OSBPL9: variants seen among roughly 807,000 people sequenced by gnomAD.
OSBPL9 encodes the protein oxysterol binding protein like 9, also known as oxysterol-binding protein-related protein 9.
In OSBPL9, 40 loss-of-function variants were observed where a neutral mutation model predicts 106.6. That is an observed-to-expected ratio of 0.38 (90% CI 0.29 to 0.49). OSBPL9 has a LOEUF of 0.49. OSBPL9 is among the 20% of genes least tolerant of loss of function. The pLI, the probability that OSBPL9 is intolerant of heterozygous loss-of-function variation, is 0.97. For missense variants in OSBPL9, 609 were observed against 887.2 expected (o/e 0.69, Z 3.98); for synonymous variants, 269 against 295.4 (o/e 0.91, Z 0.92).
At chr1:51,697,126 C>G (rs1656189307) in intron 3 of OSBPL9, among the ~76,000 whole-genome samples, 1 of 151,252 alleles carries the variant, frequency 6.6e-6, no homozygotes, top group African/African-American at 2.4e-5. Flanking sequence ...TGCCACTGCT[C>G]TCCAGCCTGG....
chr1:51,551,637 AG>A, the OSBPL9 span, among the ~76,000 whole-genome samples: 4 of 151,894 alleles, frequency 2.6e-5, no homozygotes, highest in Non-Finnish European at 4.4e-5. Context: ...TCCAAGCTGG[AG>A]TGCAATGGTG....
intron 2 of OSBPL9, among the ~76,000 whole-genome samples, chr1:51,663,888 T>G (rs1489874328): frequency 6.6e-6 from 1 of 152,218 alleles, no homozygotes; most frequent in Non-Finnish European, 1.5e-5. Flanking sequence ...CATGAAAACA[T>G]ACTTAACCTT....
At chr1:51,762,538 G>C (rs1179904381) in intron 11 of OSBPL9, among the ~76,000 whole-genome samples, 1 of 152,116 alleles carries the variant, frequency 6.6e-6, no homozygotes, top group Non-Finnish European at 1.5e-5. Context: ...GATCTATGTT[G>C]ACTTTTTGAA....
chr1:51,528,317 C>T, the OSBPL9 span, among the ~76,000 whole-genome samples: 1 of 152,130 alleles, frequency 6.6e-6, no homozygotes, highest in Non-Finnish European at 1.5e-5. Context: ...ATGAGTTCAG[C>T]AAAGTTGCAA....
upstream of OSBPL9, among the ~76,000 whole-genome samples, chr1:51,572,940 T>C (rs1395096273): frequency 6.6e-6 from 1 of 151,930 alleles, no homozygotes; most frequent in Non-Finnish European, 1.5e-5. Context: ...CCAGGCGCAG[T>C]GGCACTCACA....
Position 51,767,685 on chromosome 1 carries a change from A to G in OSBPL9, c.938+1704A>G, listed in dbSNP as rs1167254061. ...GGAGGTTTAAATCTACAACTAAAGA[A>G]GGCCAGTGTAGCAGAAAGGGCTTAG... On this transcript the variant is annotated intron_variant, in intron 12 of 23. Transcript: ENST00000428468. Among the ~76,000 whole-genome samples, 3 of 152,300 alleles carry G rather than the reference A, an allele frequency of 2.0e-5. No homozygotes were observed. In the East Asian group the frequency reaches 5.8e-4, roughly 29 times the overall value.
At chr1:51,739,304 T>A (rs993235151) in intron 4 of OSBPL9, among the ~76,000 whole-genome samples, 1 of 152,040 alleles carries the variant, frequency 6.6e-6, no homozygotes, top group Non-Finnish European at 1.5e-5. Context: ...AGGTTTAATA[T>A]CTGTCTACCT....
chr1:51,688,755 C>G (rs962496408), intron 3 of OSBPL9, among the ~76,000 whole-genome samples: 1 of 152,118 alleles, frequency 6.6e-6, no homozygotes, highest in African/African-American at 2.4e-5. Context: ...AGGGCTGAAT[C>G]AGTGACATTT....
chr1:51,569,564 C>G, the OSBPL9 span: 1 of 152,292 alleles, frequency 6.6e-6, no homozygotes, highest in African/African-American at 2.4e-5. Flanking sequence ...TGATGTGATA[C>G]TTGGATCCTG....
At chr1:51,540,152 T>C in the OSBPL9 span, among the ~76,000 whole-genome samples, 39,319 of 152,016 alleles carry the variant, frequency 0.26, 6,243 homozygotes, top group African/African-American at 0.45. Flanking sequence ...TCTCATTCTT[T>C]AGGTCTCATT....
intron 1 of OSBPL9, among the ~76,000 whole-genome samples, chr1:51,645,664 T>C (rs1000896173): frequency 6.6e-6 from 1 of 152,142 alleles, no homozygotes; most frequent in African/African-American, 2.4e-5. Context: ...AATATTTCTT[T>C]TATTGCTTGT....
intron 1 of OSBPL9, among the ~76,000 whole-genome samples, chr1:51,647,748 T>C (rs184621188): frequency 2.0e-4 from 31 of 152,310 alleles, no homozygotes; most frequent in Admixed American, 5.9e-4. Flanking sequence ...TTCCTGATTT[T>C]AGTACTTTGA....
Position 51,686,133 on chromosome 1 carries a change from T to G in OSBPL9, c.241+16621T>G, listed in dbSNP as rs113045536. On this transcript the variant is annotated intron_variant, in intron 3 of 23. Transcript: ENST00000428468. ...GGAGAAGATTATTATGATATAGAAG[T>G]GAGCCTCTGGTGCATAAAAATGGGG... 7.2e-3 allele frequency among the ~76,000 whole-genome samples: 1,092 copies of G among 152,320 alleles called. 10 individuals are homozygous for G. The highest frequency in any genetic ancestry group is 0.025 in the African/African-American group (1,050 of 41,562).
chr1:51,711,970 G>A (rs893087042), intron 3 of OSBPL9, among the ~76,000 whole-genome samples: 1 of 151,880 alleles, frequency 6.6e-6, no homozygotes, highest in Admixed American at 6.6e-5. Context: ...CCCAGACGAT[G>A]GGCGGCCAGG....
At chr1:51,765,625 C>G in intron 11 of OSBPL9, 197 bp from the exon 12 acceptor site, 1 of 441,174 alleles carries the variant, frequency 2.3e-6, no homozygotes, top group South Asian at 4.4e-5. Flanking sequence ...ATTTAAAAGG[C>G]TGTGTCCTCA....
chr1:51,772,163 C>T lies in OSBPL9; in HGVS notation c.1032C>T (p.Ser344=). The T allele has an allele frequency of 6.2e-7, 1 of 1,612,014 alleles. No homozygotes were observed. ...DTTESLNSSL[S]NGTSDADLFD... is the part of the protein sequence containing the mutation. ...CAGAATCACTTAATTCTTCCTTGTC[C>T]AATGGAACAAGTGATGCTGGTAAGT... Residue 344 remains serine (S), a synonymous_variant, in exon 13 of 24, where the codon TCC becomes TCT. Coordinates refer to ENST00000428468, the MANE Select transcript of OSBPL9 (RefSeq NM_024586.6).
intron 3 of OSBPL9, among the ~76,000 whole-genome samples, chr1:51,713,541 A>G (rs1255462835): frequency 1.3e-5 from 2 of 152,156 alleles, no homozygotes; most frequent in Non-Finnish European, 2.9e-5. Context: ...TCCGCCACAC[A>G]CTGACAAGCT....
At chr1:51,681,887 A>G (rs1476713396) in intron 3 of OSBPL9, among the ~76,000 whole-genome samples, 1 of 152,220 alleles carries the variant, frequency 6.6e-6, no homozygotes, top group Non-Finnish European at 1.5e-5. Flanking sequence ...GTAAATAGTT[A>G]TCATACTATA....
intron 1 of OSBPL9, among the ~76,000 whole-genome samples, chr1:51,637,890 G>A (rs1645551480): frequency 6.6e-6 from 1 of 152,158 alleles, no homozygotes; most frequent in Non-Finnish European, 1.5e-5. Flanking sequence ...CCATGTTAGA[G>A]ACATACCTAT....
Sources: allele counts gnomAD v4.1 joint callset (sites outside exome capture counted in the v4.1 genomes callset), GRCh38; gene constraint gnomAD v4.1.1; transcripts MANE v1.5; gene names NCBI Gene and HGNC (gene_info 2026-07-23, HGNC 2026-07-21).